Variants in PLCB1 observed in about 807,000 individuals in gnomAD.
The protein encoded by PLCB1 is phospholipase C beta 1, also known as 1-phosphatidylinositol 4,5-bisphosphate phosphodiesterase beta-1.
A neutral mutation model predicts 161.8 loss-of-function variants in PLCB1; 46 were observed. The ratio of observed to expected loss-of-function variants is 0.28; its 90% CI spans 0.22 to 0.36. The LOEUF (loss-of-function observed/expected upper bound fraction) is 0.36. PLCB1 is among the 10% of genes least tolerant of loss of function. PLCB1 has a pLI of 1.00. For missense variants in PLCB1, 1,016 were observed against 1,472.5 expected (o/e 0.69, Z 5.07); for synonymous variants, 517 against 503.7 (o/e 1.03, Z -0.35).
intron 2 of PLCB1, among the ~76,000 whole-genome samples, chr20:8,174,048 G>A (rs1038484328): frequency 6.6e-6 from 1 of 152,166 alleles, no homozygotes; most frequent in Non-Finnish European, 1.5e-5. Context: ...AGTTGCAGAA[G>A]AGACCCAGGG....
At chr20:8,657,089 AGAAAG>A in intron 7 of PLCB1, 90 bp from the exon 8 acceptor site, 1 of 741,908 alleles carries the variant, frequency 1.3e-6, no homozygotes, top group Non-Finnish European at 2.4e-6. Flanking sequence ...GGGGAAGAAA[AGAAAG>A]GAGAGAAAAG....
intron 3 of PLCB1, among the ~76,000 whole-genome samples, chr20:8,441,144 A>G (rs1165849166): frequency 6.6e-6 from 1 of 152,222 alleles, no homozygotes; most frequent in Admixed American, 6.5e-5. Flanking sequence ...ATTATTATTG[A>G]TATCTACAAT....
intron 31 of PLCB1, among the ~76,000 whole-genome samples, chr20:8,823,569 C>A (rs572359367): frequency 4.2e-4 from 64 of 152,316 alleles, no homozygotes; most frequent in African/African-American, 1.3e-3. Flanking sequence ...TTCGTGTACA[C>A]TTTACCCAGT....
At chr20:8,356,761 C>A (rs576571659) in intron 2 of PLCB1, among the ~76,000 whole-genome samples, 1 of 152,044 alleles carries the variant, frequency 6.6e-6, no homozygotes, top group South Asian at 2.1e-4. Flanking sequence ...TTGTGAAACA[C>A]AGTAGGTTTT....
At chr20:8,138,548 G>A (rs1484926080) in intron 1 of PLCB1, among the ~76,000 whole-genome samples, 1 of 152,110 alleles carries the variant, frequency 6.6e-6, no homozygotes, top group African/African-American at 2.4e-5. Flanking sequence ...AAATGCTCAG[G>A]CATATTTCAC....
chr20:8,150,451 A>G (rs1261592342), intron 2 of PLCB1, 80 bp downstream of exon 2: 2 of 580,128 alleles, frequency 3.4e-6, no homozygotes, highest in Non-Finnish European at 6.1e-6. Flanking sequence ...TATCTATAGA[A>G]GAACATCCAT....
chr20:8,576,256 A>T (rs1408731966), intron 3 of PLCB1, among the ~76,000 whole-genome samples: 3 of 152,188 alleles, frequency 2.0e-5, no homozygotes, highest in Non-Finnish European at 2.9e-5. Flanking sequence ...TTAATAAAGG[A>T]ACACTATTTA....
chr20:8,388,508 G>A (rs1987496198), intron 3 of PLCB1, among the ~76,000 whole-genome samples: 1 of 152,154 alleles, frequency 6.6e-6, no homozygotes, highest in South Asian at 2.1e-4. Flanking sequence ...TGAGGTTTAG[G>A]AAAGAAGAAG....
chr20:8,790,125 C>T (rs1308754703), intron 30 of PLCB1, 50 bp from the exon 31 acceptor site: 5 of 1,292,598 alleles, frequency 3.9e-6, no homozygotes, highest in Non-Finnish European at 4.4e-6. Context: ...TGAAAACGTG[C>T]ACTTTTAAAT....
intron 2 of PLCB1, among the ~76,000 whole-genome samples, chr20:8,204,134 G>A (rs1978395725): frequency 6.6e-6 from 1 of 152,114 alleles, no homozygotes; most frequent in Non-Finnish European, 1.5e-5. Flanking sequence ...ATGAACTGTG[G>A]AAAGAGAGAG....
chr20:8,593,218 G>T (rs1159248316), intron 3 of PLCB1, among the ~76,000 whole-genome samples: 6 of 152,060 alleles, frequency 3.9e-5, no homozygotes, highest in Admixed American at 1.3e-4. Context: ...CGTCACCCAG[G>T]CTGGACTGCA....
At chr20:8,802,344 C>T in intron 31 of PLCB1, 1 of 531,436 alleles carries the variant, frequency 1.9e-6, no homozygotes, top group Non-Finnish European at 3.3e-6. Flanking sequence ...CTCATCCTTT[C>T]TGCCTTCCTC....
intron 2 of PLCB1, among the ~76,000 whole-genome samples, chr20:8,196,850 G>A (rs919832819): frequency 2.6e-5 from 4 of 150,988 alleles, no homozygotes; most frequent in Non-Finnish European, 4.4e-5. Flanking sequence ...CCCAGTGTGT[G>A]ATGTCCCCCT....
At chr20:8,762,568 A>G (rs1982097388) in intron 25 of PLCB1, among the ~76,000 whole-genome samples, 1 of 152,218 alleles carries the variant, frequency 6.6e-6, no homozygotes, top group Non-Finnish European at 1.5e-5. Context: ...AACCACTTTT[A>G]AAGAAATAGA....
At chr20:8,808,034 T>C (rs1402243826) in intron 31 of PLCB1, among the ~76,000 whole-genome samples, 2 of 152,148 alleles carry the variant, frequency 1.3e-5, no homozygotes, top group Non-Finnish European at 2.9e-5. Context: ...GTCACTGAGC[T>C]GAGACCTAGA....
intron 3 of PLCB1, among the ~76,000 whole-genome samples, chr20:8,609,531 TC>T (rs1411874890): frequency 1.3e-5 from 2 of 152,194 alleles, no homozygotes; most frequent in African/African-American, 4.8e-5. Context: ...ATTTTAACCA[TC>T]TTTTTTCTCT....
chr20:8,736,706 C>T (rs548722865), intron 19 of PLCB1, among the ~76,000 whole-genome samples: 1 of 152,270 alleles, frequency 6.6e-6, no homozygotes, highest in Admixed American at 6.5e-5. Flanking sequence ...AACTGCCACA[C>T]ACTTATTAAA....
chr20:8,773,267 C>T (rs1241398639), intron 26 of PLCB1, among the ~76,000 whole-genome samples: 1 of 152,164 alleles, frequency 6.6e-6, no homozygotes, highest in Non-Finnish European at 1.5e-5. Flanking sequence ...GAGGCAGAGT[C>T]TGATGTGTTG....
At chr20:8,859,241 A>T (rs926034750) in intron 31 of PLCB1, among the ~76,000 whole-genome samples, 1 of 152,254 alleles carries the variant, frequency 6.6e-6, no homozygotes, top group East Asian at 1.9e-4. Flanking sequence ...CCGAATCCAG[A>T]ATATTTATAA....
Sources: gnomAD v4.1 joint callset for allele counts (sites outside exome capture counted in the v4.1 genomes callset) on GRCh38, gnomAD v4.1.1 for gene constraint, MANE v1.5 for transcripts, NCBI Gene and HGNC (gene_info 2026-07-23, HGNC 2026-07-21) for gene names.